Variants in DLG2 observed in about 807,000 individuals in gnomAD.
The protein encoded by DLG2 is disks large homolog 2.
A neutral mutation model predicts 132.5 loss-of-function variants in DLG2; 45 were observed. That is an observed-to-expected ratio of 0.34 (90% CI 0.27 to 0.44). DLG2 has a LOEUF of 0.44. Among genes scored for constraint, DLG2 ranks in the 20% least tolerant of loss-of-function variants. DLG2 has a pLI of 1.00. For missense variants in DLG2, 1,045 were observed against 1,196.9 expected, an observed-to-expected ratio of 0.87 and a Z score of 1.87; for synonymous variants, 424 against 419.6, an observed-to-expected ratio of 1.01 and a Z score of -0.13.
chr11:84,216,180 G>C (rs1270916228), intron 8 of DLG2, among the ~76,000 whole-genome samples: 1 of 151,920 alleles, frequency 6.6e-6, no homozygotes, highest in Non-Finnish European at 1.5e-5. Flanking sequence ...TTTCTTTGTG[G>C]GCCCCTATCT....
intron 6 of DLG2, among the ~76,000 whole-genome samples, chr11:84,537,206 G>C (rs988176911): frequency 6.6e-6 from 1 of 151,864 alleles, no homozygotes; most frequent in African/African-American, 2.4e-5. Context: ...TCCCGAGTTC[G>C]AGCAATTCTC....
At chr11:85,533,626 T>C (rs1167168636) in intron 3 of DLG2, among the ~76,000 whole-genome samples, 4 of 152,024 alleles carry the variant, frequency 2.6e-5, no homozygotes, top group Non-Finnish European at 5.9e-5. Context: ...AGGTGTCCTT[T>C]TGTTAGAATA....
chr11:84,267,339 C>T (rs1335113598), intron 7 of DLG2, among the ~76,000 whole-genome samples: 1 of 152,160 alleles, frequency 6.6e-6, no homozygotes, highest in Non-Finnish European at 1.5e-5. Flanking sequence ...GGTTACTAGG[C>T]ATAAGGAAAG....
Position 84,408,723 on chromosome 11 carries a change from T to G in DLG2, c.519+125847A>C, listed in dbSNP as rs565438451. Among the ~76,000 whole-genome samples the G allele has an allele frequency of 2.0e-5, 3 of 152,322 alleles. 1 individual carries two copies. The highest frequency in any genetic ancestry group is 2.0e-4 in the Admixed American group (3 of 15,306). On this transcript the variant is annotated intron_variant, in intron 7 of 27. Coordinates refer to ENST00000376104, the MANE Select transcript of DLG2 (RefSeq NM_001142699.3). ...CAGGTAGCCCTGACCTAATGAGCCATGATAAAATCTTGAGGGTCACCCTGT... is the reference window on the plus strand; with the variant it reads ...CAGGTAGCCCTGACCTAATGAGCCAGGATAAAATCTTGAGGGTCACCCTGT...
At chr11:83,977,624 T>A (rs2154171740) in intron 12 of DLG2, among the ~76,000 whole-genome samples, 1 of 152,166 alleles carries the variant, frequency 6.6e-6, no homozygotes, top group East Asian at 1.9e-4. Flanking sequence ...AGATCTAACC[T>A]TTGTCCGCCT....
intron 6 of DLG2, among the ~76,000 whole-genome samples, chr11:84,959,215 C>T (rs117409666): frequency 3.3e-5 from 5 of 152,264 alleles, no homozygotes; most frequent in African/African-American, 4.8e-5. Context: ...AGGCTTCACA[C>T]GGAATCTTAA....
intron 9 of DLG2, among the ~76,000 whole-genome samples, chr11:84,141,062 G>A (rs2154238291): frequency 6.6e-6 from 1 of 152,216 alleles, no homozygotes; most frequent in South Asian, 2.1e-4. Context: ...ATTGTAGAGT[G>A]ATTAGAATAT....
intron 6 of DLG2, among the ~76,000 whole-genome samples, chr11:84,885,549 T>A (rs371763784): frequency 2.0e-5 from 3 of 152,058 alleles, no homozygotes; most frequent in African/African-American, 4.8e-5. Flanking sequence ...GAGTTGGAAA[T>A]AAGTGACTTT....
intron 18 of DLG2, among the ~76,000 whole-genome samples, chr11:83,653,315 A>G (rs2071202632): frequency 6.6e-6 from 1 of 152,226 alleles, no homozygotes; most frequent in African/African-American, 2.4e-5. Context: ...TTTCTCCTCC[A>G]GAGATAAAAG....
At chr11:84,843,836 T>C (rs981084597) in intron 6 of DLG2, among the ~76,000 whole-genome samples, 6 of 151,682 alleles carry the variant, frequency 4.0e-5, no homozygotes, top group Admixed American at 6.6e-5. Context: ...AATCCATGGA[T>C]GTGGAACCAA....
intron 7 of DLG2, among the ~76,000 whole-genome samples, chr11:84,345,762 A>G (rs1192950517): frequency 1.3e-5 from 2 of 152,140 alleles, no homozygotes; most frequent in African/African-American, 2.4e-5. Context: ...TGTAGGCCAA[A>G]TCCTTCTCAC....
At chr11:85,605,697 G>A (rs546406387) in intron 2 of DLG2, among the ~76,000 whole-genome samples, 1 of 152,172 alleles carries the variant, frequency 6.6e-6, no homozygotes, top group Non-Finnish European at 1.5e-5. Context: ...ATGCTATCAC[G>A]GCTGGGAGCG....
chr11:83,997,545 A>C (rs2094109292), intron 11 of DLG2, among the ~76,000 whole-genome samples: 1 of 151,808 alleles, frequency 6.6e-6, no homozygotes, highest in Non-Finnish European at 1.5e-5. Flanking sequence ...CCTGGCCAAC[A>C]TGGTGAAATC....
intron 7 of DLG2, among the ~76,000 whole-genome samples, chr11:84,262,486 T>A (rs2097559792): frequency 6.6e-6 from 1 of 152,236 alleles, no homozygotes; most frequent in Admixed American, 6.5e-5. Flanking sequence ...AAGCCTCATG[T>A]CTTATATTAA....
chr11:85,414,449 G>A (rs910071039), intron 3 of DLG2, among the ~76,000 whole-genome samples: 3 of 151,882 alleles, frequency 2.0e-5, no homozygotes, highest in African/African-American at 7.2e-5. Flanking sequence ...AAGAGAGGTG[G>A]TCTGAAAGAG....
intron 6 of DLG2, among the ~76,000 whole-genome samples, chr11:85,025,438 G>A (rs758890147): frequency 3.3e-5 from 5 of 152,070 alleles, no homozygotes; most frequent in Admixed American, 6.5e-5. Flanking sequence ...AGATGCTAAT[G>A]GTTGTAATTT....
intron 3 of DLG2, among the ~76,000 whole-genome samples, chr11:85,508,083 G>C (rs1389085001): frequency 6.6e-6 from 1 of 152,052 alleles, no homozygotes; most frequent in Non-Finnish European, 1.5e-5. Context: ...TCTCTATGCT[G>C]TTTATTCTAG....
chr11:84,487,439 C>T (rs1186899994), intron 7 of DLG2, among the ~76,000 whole-genome samples: 1 of 151,992 alleles, frequency 6.6e-6, no homozygotes, highest in Non-Finnish European at 1.5e-5. Context: ...AAAAATCTCT[C>T]TGGGTATATA....
intron 9 of DLG2, among the ~76,000 whole-genome samples, chr11:84,126,412 T>G (rs2094174689): frequency 6.6e-6 from 1 of 152,182 alleles, no homozygotes; most frequent in Non-Finnish European, 1.5e-5. Context: ...GGCTGGCCTT[T>G]TAAAGCATAA....
Sources: gnomAD v4.1 joint callset for allele counts (sites outside exome capture counted in the v4.1 genomes callset) on GRCh38, gnomAD v4.1.1 for gene constraint, MANE v1.5 for transcripts, NCBI Gene and HGNC (gene_info 2026-07-23, HGNC 2026-07-21) for gene names.